The following HIBADH variants were observed in gnomAD, a reference collection of about 807,000 sequenced individuals.
HIBADH encodes the protein 3-hydroxyisobutyrate dehydrogenase, mitochondrial.
In HIBADH, 25 loss-of-function variants were observed where a neutral mutation model predicts 36.1. The ratio of observed to expected loss-of-function variants is 0.69; its 90% CI spans 0.50 to 0.97. The LOEUF is 0.97. Among genes scored for constraint, HIBADH ranks in the 50% least tolerant of loss-of-function variants. The pLI is 0.00. For synonymous variants in HIBADH, 160 were observed against 149.5 expected (o/e 1.07, Z -0.51); for missense variants, 421 against 418.0 (o/e 1.01, Z -0.06).
At chr7:27,652,275 G>A (rs1786209140) in intron 1 of HIBADH, among the ~76,000 whole-genome samples, 2 of 151,878 alleles carry the variant, frequency 1.3e-5, no homozygotes, top group African/African-American at 4.8e-5. Flanking sequence ...TCTTCCTAAA[G>A]AATGCACAAA....
chr7:27,604,002 G>A (rs1237024072), intron 4 of HIBADH, among the ~76,000 whole-genome samples: 2 of 151,896 alleles, frequency 1.3e-5, no homozygotes, highest in South Asian at 2.1e-4. Flanking sequence ...TAGGCCAGTG[G>A]TATTTCAGTA....
At chr7:27,534,643 T>C (rs185837273) in intron 6 of HIBADH, among the ~76,000 whole-genome samples, 4 of 152,206 alleles carry the variant, frequency 2.6e-5, no homozygotes, top group Admixed American at 2.6e-4. Context: ...TCTTAAGATA[T>C]GGCAATGAGT....
At chr7:27,586,491 A>ACT (rs1784866344) in intron 4 of HIBADH, among the ~76,000 whole-genome samples, 1 of 152,174 alleles carries the variant, frequency 6.6e-6, no homozygotes, top group Non-Finnish European at 1.5e-5. Context: ...GATTTTACTA[A>ACT]CTATAATTTT....
intron 4 of HIBADH, among the ~76,000 whole-genome samples, chr7:27,594,512 T>C (rs922834844): frequency 1.3e-5 from 2 of 152,208 alleles, no homozygotes; most frequent in African/African-American, 2.4e-5. Context: ...TATTCTTAAA[T>C]AGAAAGATTT....
intron 4 of HIBADH, among the ~76,000 whole-genome samples, chr7:27,602,016 T>C (rs1226870901): frequency 3.3e-5 from 5 of 152,110 alleles, no homozygotes; most frequent in African/African-American, 1.2e-4. Context: ...TTAGTTATTC[T>C]AGCAACCCAA....
chr7:27,607,121 G>C (rs1785242247), intron 4 of HIBADH, among the ~76,000 whole-genome samples: 1 of 152,210 alleles, frequency 6.6e-6, no homozygotes, highest in African/African-American at 2.4e-5. Flanking sequence ...ATCATGAAAA[G>C]CTGTTGATTT....
Position 27,526,069 on chromosome 7 carries a change from G to T in HIBADH, c.*145C>A. ...TAAAAAGACAAAAAGAATAAGCGGT[G>T]AAAAATCCTAGGGATTACTGTGACC... On this transcript the variant is annotated 3_prime_UTR_variant, in exon 8 of 8. Transcript: ENST00000265395. The T allele has an allele frequency of 1.7e-6, 1 of 603,014 alleles. No individual in the cohort carries two copies. The highest frequency in any genetic ancestry group is 2.5e-6 in the Non-Finnish European group (1 of 405,150). The allele number at this position is 603,014 out of a possible 1,614,324, so 37.4% of individuals were successfully genotyped here. A position where few individuals can be genotyped will look rare whatever the true frequency, so the allele number is the denominator to read the frequency against.
intron 4 of HIBADH, among the ~76,000 whole-genome samples, chr7:27,613,757 C>T (rs1433713128): frequency 4.6e-5 from 7 of 151,130 alleles, no homozygotes; most frequent in Non-Finnish European, 5.9e-5. Context: ...CTTCCAGGTT[C>T]AAGTGAATCT....
At chr7:27,545,503 A>G (rs1784225538) in intron 4 of HIBADH, among the ~76,000 whole-genome samples, 1 of 152,208 alleles carries the variant, frequency 6.6e-6, no homozygotes, top group Admixed American at 6.5e-5. Context: ...TTAGGAAAGA[A>G]TACCTAGAAA....
At chr7:27,653,606 A>G (rs560410323) in intron 1 of HIBADH, among the ~76,000 whole-genome samples, 50 of 152,126 alleles carry the variant, frequency 3.3e-4, no homozygotes, top group Non-Finnish European at 5.6e-4. Flanking sequence ...GTGTAGTGGC[A>G]GGCGCCTGTA....
rs543402367 is a variant in HIBADH at position 27,662,729 on chromosome 7, C to A, written c.60G>T (p.Arg20=). 54 of 1,391,284 alleles carry A rather than the reference C, an allele frequency of 3.9e-5. No homozygotes were observed. In the African/African-American group the frequency reaches 6.8e-4, roughly 18 times the overall value. The allele number at this position is 1,391,284 out of a possible 1,614,324, so 86.2% of individuals were successfully genotyped here. Residue 20 remains arginine (R), a synonymous_variant, in exon 1 of 8, where the codon CGG becomes CGT. Coordinates refer to ENST00000265395, the MANE Select transcript of HIBADH (RefSeq NM_152740.4). ...AASGLRYWSR[R]LRPAAGSFAA... The stretch of plus-strand genomic sequence containing the variant: ...CAAAGCTGCCGGCTGCCGGCCGCAG[C>A]CGCCGGCTCCAGTACCGGAGACCGG...
chr7:27,636,214 G>A (rs1446663200), intron 2 of HIBADH, among the ~76,000 whole-genome samples: 1 of 152,126 alleles, frequency 6.6e-6, no homozygotes, highest in Admixed American at 6.6e-5. Flanking sequence ...GCCTCTTCTA[G>A]ATAAAACAGT....
intron 1 of HIBADH, among the ~76,000 whole-genome samples, chr7:27,651,483 A>C (rs1283782340): frequency 6.6e-6 from 1 of 152,274 alleles, no homozygotes. Flanking sequence ...AGTACACTTC[A>C]TCAGAGAACT....
intron 4 of HIBADH, among the ~76,000 whole-genome samples, chr7:27,616,029 G>T (rs1027609167): frequency 1.3e-5 from 2 of 152,124 alleles, no homozygotes; most frequent in South Asian, 2.1e-4. Context: ...TATTTGGCTC[G>T]CAGTTCTGCA....
At chr7:27,649,271 A>G (rs1275630034) in intron 2 of HIBADH, 3 of 417,192 alleles carry the variant, frequency 7.2e-6, no homozygotes, top group Middle Eastern at 6.3e-4. Flanking sequence ...CCTGCCAAAG[A>G]ATAGATACCC....
intron 1 of HIBADH, among the ~76,000 whole-genome samples, chr7:27,655,412 C>T (rs1008469500): frequency 7.9e-5 from 12 of 151,836 alleles, no homozygotes; most frequent in Non-Finnish European, 1.5e-4. Flanking sequence ...ATGATTCAAG[C>T]GGGATAGGTA....
chr7:27,662,684 C>T lies in HIBADH; in HGVS notation c.91+14G>A. 2 of 1,304,586 alleles carry T rather than the reference C, an allele frequency of 1.5e-6. No individual in the cohort carries two copies. The highest frequency in any genetic ancestry group is 2.2e-5 in the South Asian group (1 of 46,504). 80.8% of individuals were successfully genotyped at this position (1,304,586 alleles called of 1,614,324 possible). On this transcript the variant is annotated intron_variant, in intron 1 of 7. Coordinates refer to ENST00000265395, the MANE Select transcript of HIBADH (RefSeq NM_152740.4). The stretch of plus-strand genomic sequence containing the variant: ...CGAAAGAAGGACAAGGGGGAGGAGG[C>T]GTGAGGTCCTTACCCGCTGCAAAGC...
intron 2 of HIBADH, among the ~76,000 whole-genome samples, chr7:27,641,899 C>T (rs1210136290): frequency 1.3e-5 from 2 of 152,076 alleles, no homozygotes. Context: ...ACTCAGAGGA[C>T]CTCTTAGAGT....
At chr7:27,564,084 G>C (rs1228974354) in intron 4 of HIBADH, among the ~76,000 whole-genome samples, 1 of 152,006 alleles carries the variant, frequency 6.6e-6, no homozygotes, top group Non-Finnish European at 1.5e-5. Context: ...ATTTTTAGTA[G>C]AGATGGGGTT....
Sources: allele counts gnomAD v4.1 joint callset (sites outside exome capture counted in the v4.1 genomes callset), GRCh38; gene constraint gnomAD v4.1.1; transcripts MANE v1.5; gene names NCBI Gene and HGNC (gene_info 2026-07-23, HGNC 2026-07-21).